Variants in ADGRB3 observed in about 807,000 individuals in gnomAD.
The protein encoded by ADGRB3 is brain-specific angiogenesis inhibitor 3.
Under a neutral mutation model 193.4 loss-of-function variants are expected in ADGRB3, and 37 were observed. The ratio of observed to expected loss-of-function variants is 0.19; its 90% CI spans 0.15 to 0.25. The LOEUF is 0.25. Among genes scored for constraint, ADGRB3 ranks in the 10% least tolerant of loss-of-function variants. The pLI, the probability that ADGRB3 is intolerant of heterozygous loss-of-function variation, is 1.00. For synonymous variants in ADGRB3, 690 were observed against 644.2 expected (o/e 1.07, Z -1.08); for missense variants, 1,637 against 1,852.9 (o/e 0.88, Z 2.14).
At chr6:68,895,867 A>C (rs938525964) in intron 3 of ADGRB3, among the ~76,000 whole-genome samples, 12 of 152,070 alleles carry the variant, frequency 7.9e-5, no homozygotes, top group African/African-American at 2.9e-4. Context: ...CTAGCAGACA[A>C]AAACATATAA....
At chr6:68,679,177 A>G (rs1361087150) in intron 3 of ADGRB3, among the ~76,000 whole-genome samples, 1 of 152,220 alleles carries the variant, frequency 6.6e-6, no homozygotes, top group Non-Finnish European at 1.5e-5. Context: ...AAAAAAATCA[A>G]AATCAATTGT....
chr6:68,949,522 G>C (rs574033743), intron 6 of ADGRB3, among the ~76,000 whole-genome samples: 1 of 152,240 alleles, frequency 6.6e-6, no homozygotes, highest in African/African-American at 2.4e-5. Context: ...AGCATCTATG[G>C]GAGGATGCCC....
At chr6:68,895,099 C>A (rs1055934773) in intron 3 of ADGRB3, among the ~76,000 whole-genome samples, 6 of 151,810 alleles carry the variant, frequency 4.0e-5, no homozygotes, top group African/African-American at 1.4e-4. Context: ...AGAACGTATT[C>A]TTTTCTGAAG....
At chr6:69,273,684 TGC>T (rs1306937660) in intron 20 of ADGRB3, among the ~76,000 whole-genome samples, 1 of 152,206 alleles carries the variant, frequency 6.6e-6, no homozygotes. Context: ...TTTCTTTGTG[TGC>T]CTCCGTAAAA....
chr6:68,956,273 C>T, intron 7 of ADGRB3, 85 bp downstream of exon 7: 1 of 1,338,706 alleles, frequency 7.5e-7, no homozygotes. Flanking sequence ...GCCAGAGGGT[C>T]ATGAAAGAAG....
At chr6:69,244,961 T>G (rs539475310) in intron 20 of ADGRB3, among the ~76,000 whole-genome samples, 1 of 152,158 alleles carries the variant, frequency 6.6e-6, no homozygotes, top group East Asian at 1.9e-4. Context: ...TACCTTCATA[T>G]TTCCTCATGT....
At chr6:68,911,707 G>C (rs991409938) in intron 3 of ADGRB3, among the ~76,000 whole-genome samples, 2 of 151,996 alleles carry the variant, frequency 1.3e-5, no homozygotes, top group African/African-American at 2.4e-5. Context: ...CATGGTCTTT[G>C]CAAAAATAAG....
rs140191069 is a variant in ADGRB3, at chr6:68,638,284, T to C, written c.-15-377T>C. Among the ~76,000 whole-genome samples the C allele has an allele frequency of 3.9e-5, 6 of 152,338 alleles. No homozygotes were observed. The East Asian group carries it at 9.7e-4, about 25-fold the overall frequency. ...AAGGTTGTATAGACTATAGACTGAT[T>C]AATACTATTTCGACAATTAACATTT... is the stretch of plus-strand genomic sequence containing the variant. On this transcript the variant is annotated intron_variant, in intron 2 of 31. Coordinates refer to ENST00000370598, the MANE Select transcript of ADGRB3 (RefSeq NM_001704.3).
intron 3 of ADGRB3, among the ~76,000 whole-genome samples, chr6:68,682,469 A>G (rs906087525): frequency 1.3e-5 from 2 of 152,232 alleles, no homozygotes; most frequent in Non-Finnish European, 2.9e-5. Flanking sequence ...CAATCATATA[A>G]TGCACTGCAC....
At chr6:69,375,166 G>A (rs1283110046) in intron 30 of ADGRB3, among the ~76,000 whole-genome samples, 1 of 152,118 alleles carries the variant, frequency 6.6e-6, no homozygotes, top group African/African-American at 2.4e-5. Flanking sequence ...ACTAAAAGCT[G>A]CTAAGCTTTT....
intron 17 of ADGRB3, among the ~76,000 whole-genome samples, chr6:69,185,947 C>A (rs2150353057): frequency 6.6e-6 from 1 of 152,014 alleles, no homozygotes; most frequent in East Asian, 1.9e-4. Context: ...CCAAATGGAT[C>A]AAAGTGATCA....
chr6:68,792,142 T>A (rs7775093), intron 3 of ADGRB3, among the ~76,000 whole-genome samples: 120,268 of 152,104 alleles, frequency 0.79, 47,779 homozygotes, highest in Middle Eastern at 0.91. Context: ...GGTTTCTCTA[T>A]AGATTGTTTT....
chr6:69,061,077 A>G (rs1181834809), intron 15 of ADGRB3, among the ~76,000 whole-genome samples: 1 of 151,948 alleles, frequency 6.6e-6, no homozygotes, highest in African/African-American at 2.4e-5. Flanking sequence ...TAATGAAAAA[A>G]AAAAAAGACT....
intron 3 of ADGRB3, among the ~76,000 whole-genome samples, chr6:68,706,455 C>T (rs1431238514): frequency 1.3e-5 from 2 of 152,154 alleles, no homozygotes; most frequent in Non-Finnish European, 2.9e-5. Context: ...ATGGAGGTGA[C>T]CGTATGTGTA....
intron 3 of ADGRB3, 145 bp downstream of exon 3, chr6:68,639,577 G>A (rs1279781036): frequency 1.7e-5 from 20 of 1,191,084 alleles, no homozygotes; most frequent in Non-Finnish European, 2.3e-5. Flanking sequence ...CACTGATAAA[G>A]GTCTCTTGAG....
chr6:69,221,201 A>C (rs868284689), intron 17 of ADGRB3, among the ~76,000 whole-genome samples: 6 of 152,164 alleles, frequency 3.9e-5, no homozygotes, highest in Middle Eastern at 3.2e-3. Flanking sequence ...AATCAGCATC[A>C]AAAAAGCCTT....
intron 20 of ADGRB3, among the ~76,000 whole-genome samples, chr6:69,297,384 CTCTCTCTA>C (rs1329695607): frequency 1.9e-4 from 26 of 137,832 alleles, no homozygotes; most frequent in African/African-American, 6.9e-4. Flanking sequence ...CTCTCTCTCT[CTCTCTCTA>C]TCTCTCTCTC....
chr6:69,323,000 A>G (rs908739464), intron 20 of ADGRB3, among the ~76,000 whole-genome samples: 1 of 152,016 alleles, frequency 6.6e-6, no homozygotes, highest in African/African-American at 2.4e-5. Context: ...TTCAATTTGT[A>G]TTAGAATTAA....
intron 17 of ADGRB3, among the ~76,000 whole-genome samples, chr6:69,104,756 T>C (rs1274835373): frequency 6.6e-6 from 1 of 152,148 alleles, no homozygotes; most frequent in African/African-American, 2.4e-5. Context: ...TTTATTATCA[T>C]ATTTCATGGT....
Sources: gnomAD v4.1 joint callset for allele counts (sites outside exome capture counted in the v4.1 genomes callset) on GRCh38, gnomAD v4.1.1 for gene constraint, MANE v1.5 for transcripts, NCBI Gene and HGNC (gene_info 2026-07-23, HGNC 2026-07-21) for gene names.